PAM: variants seen among roughly 807,000 people sequenced by gnomAD.
PAM encodes the protein peptidyl-glycine alpha-amidating monooxygenase.
In PAM, 72 loss-of-function variants were observed where a neutral mutation model predicts 122.1. The ratio of observed to expected loss-of-function variants is 0.59; its 90% CI spans 0.49 to 0.72. The LOEUF is 0.72. Ranked by LOEUF, PAM falls within the 30% of genes least tolerant of loss-of-function variation. The pLI is 0.00. For synonymous variants in PAM, 389 were observed against 404.4 expected, an observed-to-expected ratio of 0.96 and a Z score of 0.46; for missense variants, 1,106 against 1,183.7, an observed-to-expected ratio of 0.93 and a Z score of 0.96.
At chr5:102,832,329 G>A (rs1475873857) in intron 1 of PAM, among the ~76,000 whole-genome samples, 2 of 152,016 alleles carry the variant, frequency 1.3e-5, no homozygotes, top group African/African-American at 4.8e-5. Flanking sequence ...GGGCATGCAT[G>A]TCCACTTCCT....
At chr5:102,824,586 T>C (rs553238241) in intron 1 of PAM, among the ~76,000 whole-genome samples, 2 of 152,328 alleles carry the variant, frequency 1.3e-5, no homozygotes, top group East Asian at 1.9e-4. Context: ...ATAACTGTGA[T>C]AGCTGCATCT....
intron 1 of PAM, among the ~76,000 whole-genome samples, chr5:102,831,323 TATC>T (rs1430637108): frequency 6.6e-6 from 1 of 152,178 alleles, no homozygotes; most frequent in African/African-American, 2.4e-5. Flanking sequence ...TTGTTAAAAA[TATC>T]ATCCTTATTA....
chr5:102,823,874 T>C (rs1172482322), intron 1 of PAM, among the ~76,000 whole-genome samples: 1 of 152,216 alleles, frequency 6.6e-6, no homozygotes, highest in Non-Finnish European at 1.5e-5. Flanking sequence ...GGGAACTAAC[T>C]GTATCTCAAA....
intron 16 of PAM, among the ~76,000 whole-genome samples, chr5:102,997,950 C>G (rs1776222544): frequency 6.6e-6 from 1 of 152,184 alleles, no homozygotes; most frequent in African/African-American, 2.4e-5. Context: ...CTTAATGCAG[C>G]TTGTTTTCTT....
intron 4 of PAM, among the ~76,000 whole-genome samples, chr5:102,913,587 T>C (rs1401792056): frequency 6.6e-6 from 1 of 151,948 alleles, no homozygotes; most frequent in Non-Finnish European, 1.5e-5. Flanking sequence ...TACTCAGCAC[T>C]GTACTGATGT....
At chr5:102,948,893 T>C (rs138327113) in intron 9 of PAM, among the ~76,000 whole-genome samples, 37 of 152,192 alleles carry the variant, frequency 2.4e-4, no homozygotes, top group Non-Finnish European at 4.0e-4. Flanking sequence ...GGGATGATAA[T>C]AGCTGATTCT....
intron 14 of PAM, among the ~76,000 whole-genome samples, chr5:102,969,071 C>T (rs1276739828): frequency 1.3e-5 from 2 of 151,746 alleles, no homozygotes; most frequent in African/African-American, 4.8e-5. Flanking sequence ...GGGAACATCA[C>T]ACACCAGTGC....
chr5:102,927,735 T>G (rs1750083249), intron 7 of PAM, among the ~76,000 whole-genome samples: 2 of 149,932 alleles, frequency 1.3e-5, no homozygotes, highest in Admixed American at 1.3e-4. Context: ...TCAAATATAT[T>G]ATCAATTAAT....
At chr5:103,006,572 G>A (rs1429463353) in intron 18 of PAM, among the ~76,000 whole-genome samples, 1 of 152,084 alleles carries the variant, frequency 6.6e-6, no homozygotes, top group African/African-American at 2.4e-5. Flanking sequence ...AATTAACCGC[G>A]TGACCTTGAG....
intron 1 of PAM, among the ~76,000 whole-genome samples, chr5:102,814,330 T>C (rs1768927473): frequency 6.6e-6 from 1 of 152,130 alleles, no homozygotes; most frequent in African/African-American, 2.4e-5. Flanking sequence ...AAGAGTCAGG[T>C]GGCATTGTTT....
intron 14 of PAM, among the ~76,000 whole-genome samples, chr5:102,962,338 A>G (rs1480229669): frequency 6.6e-6 from 1 of 151,832 alleles, no homozygotes; most frequent in Non-Finnish European, 1.5e-5. Flanking sequence ...AAATTTATCA[A>G]TCCTGTTTAT....
At chr5:102,801,047 T>G (rs1764590412) in intron 1 of PAM, among the ~76,000 whole-genome samples, 1 of 152,130 alleles carries the variant, frequency 6.6e-6, no homozygotes, top group Admixed American at 6.5e-5. Context: ...TACTTGACAA[T>G]GGTTACAACT....
At chr5:102,903,622 G>A (rs1490791998) in intron 4 of PAM, among the ~76,000 whole-genome samples, 1 of 151,474 alleles carries the variant, frequency 6.6e-6, no homozygotes, top group Non-Finnish European at 1.5e-5. Flanking sequence ...TGTTCACTAA[G>A]AGCCTGCCAG....
chr5:103,023,688 T>C (rs1784243902), intron 23 of PAM, among the ~76,000 whole-genome samples: 1 of 151,954 alleles, frequency 6.6e-6, no homozygotes, highest in African/African-American at 2.4e-5. Flanking sequence ...CAAAGGATGG[T>C]CTCCCTTTAG....
At chr5:102,976,021 T>G (rs2150480504) in intron 15 of PAM, among the ~76,000 whole-genome samples, 1 of 152,278 alleles carries the variant, frequency 6.6e-6, no homozygotes, top group Admixed American at 6.5e-5. Flanking sequence ...GCAAATATCC[T>G]CATACTTTCC....
intron 1 of PAM, among the ~76,000 whole-genome samples, chr5:102,796,754 G>A (rs138791688): frequency 7.8e-4 from 118 of 152,186 alleles, no homozygotes; most frequent in African/African-American, 2.8e-3. Flanking sequence ...ATAGTCATCT[G>A]CTATCTGTGT....
intron 2 of PAM, chr5:102,866,515 T>A: frequency 1.8e-6 from 1 of 545,716 alleles, no homozygotes. Context: ...TTTCCAAAAC[T>A]AATCACTCCC....
chr5:102,964,141 A>G (rs1025400811), intron 14 of PAM, among the ~76,000 whole-genome samples: 2 of 151,906 alleles, frequency 1.3e-5, no homozygotes, highest in African/African-American at 2.4e-5. Context: ...AGTGATCTTT[A>G]AAGAAAGCCA....
At chr5:102,757,819 T>C (rs1022705269) in intron 1 of PAM, among the ~76,000 whole-genome samples, 3 of 151,942 alleles carry the variant, frequency 2.0e-5, no homozygotes, top group Non-Finnish European at 1.5e-5. Flanking sequence ...GGCGGGAGTA[T>C]TGCTTGAGTT....
Sources: allele counts gnomAD v4.1 joint callset (sites outside exome capture counted in the v4.1 genomes callset), GRCh38; gene constraint gnomAD v4.1.1; transcripts MANE v1.5; gene names NCBI Gene and HGNC (gene_info 2026-07-23, HGNC 2026-07-21).